FER1L6: variants seen among roughly 807,000 people sequenced by gnomAD.
FER1L6 encodes fer-1-like protein 6.
Under a neutral mutation model 219.2 loss-of-function variants are expected in FER1L6, and 177 were observed. The observed-to-expected ratio is 0.81, with a 90% CI of 0.71 to 0.91. The LOEUF (loss-of-function observed/expected upper bound fraction) is 0.91. Among genes scored for constraint, FER1L6 ranks in the 40% least tolerant of loss-of-function variants. The pLI, the probability that FER1L6 is intolerant of heterozygous loss-of-function variation, is 0.00. For missense variants in FER1L6, 2,153 were observed against 2,259.9 expected (o/e 0.95, Z 0.96); for synonymous variants, 768 against 824.3 (o/e 0.93, Z 1.17).
In FER1L6 at chr8:123,853,283, T is replaced by G. The variant is rs945367938; in HGVS notation, c.-8+1098T>G. ...GAGTCTCGTGCCTCAGGCTCCAGAA[T>G]AGCTGGGATTACAGGTGCTTGCCAT... On this transcript the variant is annotated intron_variant, in intron 1 of 40. Transcript: ENST00000522917. The surrounding 1 kb of genome is among the most constrained non-coding windows in gnomAD (Gnocchi z 6.6). 6.6e-6 allele frequency among the ~76,000 whole-genome samples: 1 copy of G among 152,164 alleles called. No individual in the cohort carries two copies. The highest frequency in any genetic ancestry group is 2.4e-5 in the African/African-American group (1 of 41,452).
At chr8:124,046,079 G>C (rs1819719727) in intron 21 of FER1L6, 178 bp downstream of exon 21, 1 of 590,868 alleles carries the variant, frequency 1.7e-6, no homozygotes, top group South Asian at 3.2e-5. Context: ...GATTGGTGAT[G>C]ATCATTTGCT....
intron 1 of FER1L6, among the ~76,000 whole-genome samples, chr8:123,865,750 G>GC (rs1816825212): frequency 6.6e-6 from 1 of 151,296 alleles, no homozygotes; most frequent in South Asian, 2.1e-4. Context: ...TTTTCCAGGT[G>GC]CGTCCGTCAC....
chr8:123,857,638 C>T (rs1816671446), intron 1 of FER1L6, among the ~76,000 whole-genome samples: 1 of 152,184 alleles, frequency 6.6e-6, no homozygotes, highest in Non-Finnish European at 1.5e-5. Context: ...TATCACCCCT[C>T]CTGTTCCTGG....
At chr8:123,866,765 C>T (rs115708640) in intron 1 of FER1L6, among the ~76,000 whole-genome samples, 1 of 151,958 alleles carries the variant, frequency 6.6e-6, no homozygotes, top group Non-Finnish European at 1.5e-5. Flanking sequence ...CCACAGGTGC[C>T]TGTGACCATA....
intron 37 of FER1L6, among the ~76,000 whole-genome samples, chr8:124,098,214 T>C (rs1275642371): frequency 2.0e-5 from 3 of 152,236 alleles, no homozygotes; most frequent in Non-Finnish European, 4.4e-5. Flanking sequence ...TAATGAAAGA[T>C]TAATATGTTG....
Position 124,035,468 on chromosome 8 carries a change from T to TGG in FER1L6, c.2464+16_2464+17dup. Reference sequence around the variant, plus strand: ...TGCTCTACCAAGGTAGGGTCCCCACTGGGCAAAGAGGGTCATTCGAGGTCT... The same window carrying TGG: ...TGCTCTACCAAGGTAGGGTCCCCACTGGGGGCAAAGAGGGTCATTCGAGGTCT... On this transcript the variant is annotated intron_variant, in intron 19 of 40. Coordinates refer to ENST00000522917, the MANE Select transcript of FER1L6 (RefSeq NM_001039112.2). 6.2e-7 allele frequency: 1 copy of TGG among 1,603,460 alleles called. No homozygotes were observed. Among genetic ancestry groups the TGG allele is most frequent in the Non-Finnish European group, 8.5e-7 (1 of 1,175,242 alleles).
At chr8:123,969,885 A>AAAAAAC in intron 5 of FER1L6, 150 bp from the exon 6 acceptor site, 1 of 531,210 alleles carries the variant, frequency 1.9e-6, no homozygotes, top group Non-Finnish European at 3.4e-6. Context: ...AAAAAAAAAA[A>AAAAAAC]AGAGAATTGA....
intron 22 of FER1L6, chr8:124,058,821 T>A (rs1820426334): frequency 6.6e-6 from 1 of 152,238 alleles, no homozygotes. Context: ...GGCATTGCCA[T>A]CCTCATTATT....
intron 1 of FER1L6, among the ~76,000 whole-genome samples, chr8:123,878,078 T>C (rs971824942): frequency 1.6e-4 from 24 of 152,164 alleles, no homozygotes; most frequent in Non-Finnish European, 2.5e-4. Context: ...AGTCATCGTG[T>C]GTCACTCTCC....
At chr8:124,114,895 GTATATATATATATATATATATATA>G (rs71289637) in intron 39 of FER1L6, among the ~76,000 whole-genome samples, 4 of 90,050 alleles carry the variant, frequency 4.4e-5, no homozygotes, top group African/African-American at 7.8e-5. Flanking sequence ...GTGTGTGTGC[GTATATATATATATATATATATATA>G]TATATATATA....
chr8:123,981,462 G>A (rs890655144), intron 11 of FER1L6, among the ~76,000 whole-genome samples: 3 of 152,172 alleles, frequency 2.0e-5, no homozygotes, highest in Non-Finnish European at 4.4e-5. Flanking sequence ...TTCATGTTTT[G>A]TCAGTAGCGG....
At chr8:124,004,199 C>T (rs946222215) in intron 13 of FER1L6, 1 of 150,832 alleles carries the variant, frequency 6.6e-6, no homozygotes, top group Non-Finnish European at 1.5e-5. Context: ...CATGTACTCT[C>T]ACTGATCTCC....
intron 26 of FER1L6, 58 bp from the exon 27 acceptor site, chr8:124,066,370 C>T (rs1252758795): frequency 1.9e-6 from 3 of 1,577,278 alleles, no homozygotes; most frequent in Middle Eastern, 2.2e-4. Flanking sequence ...GCCAGTTGAC[C>T]ATCAGCATGC....
intron 18 of FER1L6, among the ~76,000 whole-genome samples, chr8:124,030,198 C>T (rs1426639251): frequency 6.6e-6 from 1 of 152,112 alleles, no homozygotes; most frequent in Non-Finnish European, 1.5e-5. Flanking sequence ...CTTATGCATC[C>T]AGAATGGCTA....
intron 14 of FER1L6, 86 bp downstream of exon 14, chr8:124,010,800 TG>T: frequency 6.5e-7 from 1 of 1,531,662 alleles, no homozygotes; most frequent in Non-Finnish European, 8.9e-7. Flanking sequence ...TAGAGGATGT[TG>T]ACCTCAGTTC....
intron 1 of FER1L6, among the ~76,000 whole-genome samples, chr8:123,876,329 T>TA (rs1405995754): frequency 6.6e-6 from 1 of 152,156 alleles, no homozygotes; most frequent in African/African-American, 2.4e-5. Context: ...ATGTCACTTT[T>TA]TTTTTTTTGA....
intron 1 of FER1L6, among the ~76,000 whole-genome samples, chr8:123,881,389 A>T (rs1359413120): frequency 6.6e-6 from 1 of 152,098 alleles, no homozygotes; most frequent in East Asian, 1.9e-4. Flanking sequence ...TAATGGGCAC[A>T]TTTTCTCTTT....
intron 22 of FER1L6, among the ~76,000 whole-genome samples, chr8:124,051,613 A>G (rs572704820): frequency 3.7e-4 from 56 of 152,330 alleles, no homozygotes; most frequent in African/African-American, 1.2e-3. Context: ...TCTACCATGT[A>G]TTTCAGGTAA....
At chr8:124,091,987 A>C (rs889590728) in intron 34 of FER1L6, among the ~76,000 whole-genome samples, 1 of 130,564 alleles carries the variant, frequency 7.7e-6, no homozygotes, top group African/African-American at 2.9e-5. Flanking sequence ...AAAAAAAAAA[A>C]AGTAATGCAT....
Sources: allele counts gnomAD v4.1 joint callset (sites outside exome capture counted in the v4.1 genomes callset), GRCh38; gene constraint gnomAD v4.1.1; non-coding constraint Gnocchi (gnomAD v3.1); transcripts MANE v1.5; gene names NCBI Gene and HGNC (gene_info 2026-07-23, HGNC 2026-07-21).